Variants in WNK3 observed in about 807,000 individuals in gnomAD.
WNK3 encodes the protein serine/threonine-protein kinase WNK3.
Under a neutral mutation model 116.7 loss-of-function variants are expected in WNK3, and 18 were observed. That is an observed-to-expected ratio of 0.15 (90% CI 0.11 to 0.23). WNK3 has a LOEUF of 0.23. Among genes scored for constraint, WNK3 ranks in the 10% least tolerant of loss-of-function variants. The pLI is 1.00. For missense variants in WNK3, 993 were observed against 1,323.8 expected (o/e 0.75, Z 3.88); for synonymous variants, 404 against 469.4 (o/e 0.86, Z 1.80).
At chrX:54,216,602 A>G (rs1481606336) in intron 22 of WNK3, among the ~76,000 whole-genome samples, 1 of 111,577 alleles carries the variant, frequency 9.0e-6, no homozygotes, top group African/African-American at 3.3e-5. Flanking sequence ...TGGCAATATA[A>G]AAGTCTGGCA....
intron 4 of WNK3, 105 bp from the exon 5 acceptor site, chrX:54,308,184 C>G (rs781879206): frequency 6.6e-6 from 5 of 753,189 alleles, no homozygotes; most frequent in Non-Finnish European, 7.4e-6. Flanking sequence ...TTCTACTCCC[C>G]CAAAGCAAAT....
At chrX:54,283,169 C>T (rs1032700339) in intron 10 of WNK3, among the ~76,000 whole-genome samples, 3 of 111,930 alleles carry the variant, frequency 2.7e-5, no homozygotes, top group Admixed American at 9.5e-5. Context: ...AGGGGTTAGG[C>T]GCAGTGGCTC....
intron 1 of WNK3, among the ~76,000 whole-genome samples, chrX:54,339,359 C>T (rs1280848207): frequency 4.5e-5 from 5 of 111,167 alleles, no homozygotes; most frequent in African/African-American, 1.6e-4. Flanking sequence ...CTACAGAACA[C>T]TTCACCCAAC....
intron 13 of WNK3, among the ~76,000 whole-genome samples, chrX:54,253,331 T>A (rs782714303): frequency 9.0e-6 from 1 of 111,504 alleles, no homozygotes; most frequent in Non-Finnish European, 1.9e-5. Flanking sequence ...AGTGGCATGA[T>A]CATAGCTCAC....
chrX:54,275,584 T>TA (rs1376544322), intron 10 of WNK3, among the ~76,000 whole-genome samples: 9 of 108,140 alleles, frequency 8.3e-5, no homozygotes, highest in African/African-American at 2.7e-4. Flanking sequence ...GAAGGAATCC[T>TA]AAAAAATTTC....
At chrX:54,215,557 C>T (rs1352550281) in intron 22 of WNK3, among the ~76,000 whole-genome samples, 4 of 112,408 alleles carry the variant, frequency 3.6e-5, no homozygotes, top group Admixed American at 9.4e-5. Context: ...ACCTCCCAGC[C>T]GCCTGCCTTG....
intron 10 of WNK3, among the ~76,000 whole-genome samples, chrX:54,272,776 G>A (rs1427441144): frequency 8.9e-6 from 1 of 111,931 alleles, no homozygotes; most frequent in African/African-American, 3.2e-5. Flanking sequence ...GATAACCACA[G>A]TAACTATATG....
At chrX:54,301,125 C>T (rs376978233) in intron 6 of WNK3, among the ~76,000 whole-genome samples, 1,090 of 108,073 alleles carry the variant, frequency 0.01, 7 homozygotes, top group Middle Eastern at 0.028. Context: ...CACCTGCAAT[C>T]CCAGCTACTC....
At chrX:54,250,448 C>T (rs942483451) in intron 15 of WNK3, among the ~76,000 whole-genome samples, 5 of 111,719 alleles carry the variant, frequency 4.5e-5, no homozygotes, top group Non-Finnish European at 7.5e-5. Context: ...ATTCTGTATC[C>T]TGATTATGAT....
intron 1 of WNK3, among the ~76,000 whole-genome samples, chrX:54,344,538 G>A (rs1250806095): frequency 8.8e-6 from 1 of 113,061 alleles, no homozygotes; most frequent in Non-Finnish European, 1.9e-5. Flanking sequence ...CAGCTTTGTG[G>A]TTCTGACCAC....
Position 54,322,251 on chromosome X carries a change from T to G in WNK3, c.537+10886A>C, listed in dbSNP as rs186991336. Among the ~76,000 whole-genome samples, 3 of 111,646 alleles carry G rather than the reference T, an allele frequency of 2.7e-5. No individual in the cohort carries two copies. In the Admixed American group the frequency reaches 2.9e-4, roughly 11 times the overall value. ...CTTCTGATTATAATTTAGCTCCCCATGTAACTAGCCTAAAGACTATATAGA... is the reference window on the plus strand; with the variant it reads ...CTTCTGATTATAATTTAGCTCCCCAGGTAACTAGCCTAAAGACTATATAGA... On this transcript the variant is annotated intron_variant, in intron 2 of 23. Transcript: ENST00000354646.
chrX:54,195,054 G>A (rs1399419337), exon 24 of WNK3: 1 of 111,761 alleles, frequency 8.9e-6, no homozygotes, highest in Non-Finnish European at 1.9e-5. Context: ...AGAGATTCAA[G>A]ACTGCTACAA....
rs782496895 is a variant in WNK3 at position 54,271,597 on chromosome X, T to C, written c.2038-12259A>G. Among the ~76,000 whole-genome samples the C allele has an allele frequency of 1.4e-4, 16 of 112,504 alleles. No individual in the cohort carries two copies. The South Asian group carries it at 5.8e-3, about 41-fold the overall frequency. On this transcript the variant is annotated intron_variant, in intron 10 of 23. Coordinates refer to ENST00000354646, the Ensembl canonical transcript of WNK3. ...AATTGTTAGAATTGTAGTTTCAAAA[T>C]TGAATGTACACATATAAATCAAGAA...
intron 2 of WNK3, among the ~76,000 whole-genome samples, chrX:54,317,252 C>T (rs1290693689): frequency 4.6e-5 from 5 of 109,195 alleles, no homozygotes; most frequent in South Asian, 4.1e-4. Flanking sequence ...CTCCGCCTGC[C>T]GGGTTCAAGC....
Position 54,196,458 on chromosome X carries a change from C to CA in WNK3, c.*1865dup, listed in dbSNP as rs879987259. 398 of 54,753 alleles carry CA rather than the reference C, an allele frequency of 7.3e-3. 1 individual carries two copies. Among genetic ancestry groups the CA allele is most frequent in the African/African-American group, 0.013 (184 of 14,369 alleles). The allele number at this position is 54,753 out of a possible 1,213,427, so 4.5% of individuals were successfully genotyped here. ...ACTTAATGTCACAAAGTAGACTGTG[C>CA]AAAAAAAAAAAAAAGTACACCCATT... is the stretch of plus-strand genomic sequence containing the variant. On this transcript the variant is annotated 3_prime_UTR_variant, in exon 24 of 24. Transcript: ENST00000354646.
Position 54,293,131 on chromosome X carries a change from C to A in WNK3, c.1887+3G>T. 1 of 1,200,093 alleles carries A rather than the reference C, an allele frequency of 8.3e-7. No individual in the cohort carries two copies. Among genetic ancestry groups the A allele is most frequent in the Non-Finnish European group, 1.1e-6 (1 of 889,544 alleles). ...TATTTAAAAATATAACAGTTCACCT[C>A]ACCCCTGAAACTTGCTGGTAATGTC... is the stretch of plus-strand genomic sequence containing the variant. On this transcript the variant is annotated splice_donor_region_variant and intron_variant, in intron 9 of 23. Transcript: ENST00000354646.
chrX:54,286,805 C>T (rs2068585966), intron 10 of WNK3, among the ~76,000 whole-genome samples: 1 of 107,642 alleles, frequency 9.3e-6, no homozygotes, highest in South Asian at 4.1e-4. Flanking sequence ...CCCAGCTACT[C>T]AGGAGGTTGA....
At chrX:54,300,994 G>A (rs782469962) in intron 6 of WNK3, among the ~76,000 whole-genome samples, 2 of 110,993 alleles carry the variant, frequency 1.8e-5, no homozygotes, top group African/African-American at 6.5e-5. Context: ...TGTAATGACA[G>A]CACTTTGGGA....
chrX:54,249,911 A>G, intron 16 of WNK3, 83 bp downstream of exon 16: 1 of 1,061,618 alleles, frequency 9.4e-7, no homozygotes, highest in Non-Finnish European at 1.2e-6. Context: ...TAAAATTCCC[A>G]TGGAAACCAG....
Sources: gnomAD v4.1 joint callset for allele counts (sites outside exome capture counted in the v4.1 genomes callset) on GRCh38, gnomAD v4.1.1 for gene constraint, MANE v1.5 for transcripts, NCBI Gene and HGNC (gene_info 2026-07-23, HGNC 2026-07-21) for gene names.